The following CNBD2 variants were observed in gnomAD, a reference collection of about 807,000 sequenced individuals.
CNBD2 encodes the protein cyclic nucleotide-binding domain-containing protein 2.
In CNBD2, 64 loss-of-function variants were observed where a neutral mutation model predicts 63.7. The observed-to-expected ratio is 1.00, with a 90% confidence interval of 0.82 to 1.24. The LOEUF (loss-of-function observed/expected upper bound fraction) is 1.24, where lower values mean the gene tolerates loss of function less well. CNBD2 is among the 50% of genes most tolerant of loss of function. The pLI is 0.00. For synonymous variants in CNBD2, 229 were observed against 255.4 expected (o/e 0.90, Z 0.99); for missense variants, 691 against 713.5 (o/e 0.97, Z 0.36).
upstream of CNBD2, chr20:35,968,536 T>G: frequency 2.2e-6 from 1 of 454,380 alleles, no homozygotes; most frequent in Non-Finnish European, 4.1e-6. Flanking sequence ...CTGTGTCCCC[T>G]GCCTCCAGAA....
chr20:36,009,435 C>T (rs912742313), intron 9 of CNBD2, among the ~76,000 whole-genome samples: 2 of 151,844 alleles, frequency 1.3e-5, no homozygotes, highest in Non-Finnish European at 2.9e-5. Flanking sequence ...GTCTCCTGAC[C>T]TCGTGATCCG....
At chr20:36,003,955 T>C (rs2056949843) in intron 8 of CNBD2, among the ~76,000 whole-genome samples, 1 of 152,136 alleles carries the variant, frequency 6.6e-6, no homozygotes, top group Admixed American at 6.6e-5. Context: ...GGGAGGGACC[T>C]GCTTCCAGGC....
chr20:36,010,285 G>A (rs1323331181), intron 9 of CNBD2, among the ~76,000 whole-genome samples: 1 of 152,072 alleles, frequency 6.6e-6, no homozygotes, highest in Non-Finnish European at 1.5e-5. Context: ...CTTCACGTGA[G>A]TCCTTTGCCT....
downstream of CNBD2, among the ~76,000 whole-genome samples, chr20:35,957,019 TATC>T (rs2056263072): frequency 6.6e-6 from 1 of 152,180 alleles, no homozygotes; most frequent in South Asian, 2.1e-4. Context: ...ATTTAGTTAT[TATC>T]TTCTTGTGAA....
At chr20:35,980,103 A>G (rs2056575408) in intron 3 of CNBD2, among the ~76,000 whole-genome samples, 1 of 152,186 alleles carries the variant, frequency 6.6e-6, no homozygotes, top group South Asian at 2.1e-4. Flanking sequence ...TGCTATGTGT[A>G]TGTGCTGAGC....
downstream of CNBD2, chr20:35,958,887 T>C (rs2147165748): frequency 6.6e-6 from 1 of 152,348 alleles, no homozygotes; most frequent in East Asian, 1.9e-4. Context: ...GTATAATCAT[T>C]TGGGCTTGGC....
intron 11 of CNBD2, among the ~76,000 whole-genome samples, chr20:36,027,515 C>T (rs1312959572): frequency 2.6e-5 from 4 of 152,076 alleles, no homozygotes; most frequent in Non-Finnish European, 1.5e-5. Flanking sequence ...CACAGATTGA[C>T]GTTTTTAGTT....
chr20:35,980,741 G>A, intron 4 of CNBD2, 119 bp downstream of exon 4: 1 of 901,634 alleles, frequency 1.1e-6, no homozygotes, highest in South Asian at 1.7e-5. Context: ...CATGAATGAA[G>A]TCTTCTGTCC....
chr20:35,979,957 C>T (rs1394567923), intron 3 of CNBD2, among the ~76,000 whole-genome samples: 3 of 152,286 alleles, frequency 2.0e-5, no homozygotes, highest in Non-Finnish European at 4.4e-5. Context: ...GGTAGGTGAA[C>T]GTGCTGGTCC....
chr20:36,025,614 A>G (rs2057273805), intron 11 of CNBD2, among the ~76,000 whole-genome samples: 1 of 151,446 alleles, frequency 6.6e-6, no homozygotes, highest in South Asian at 2.1e-4. Context: ...ATAATTATTA[A>G]AAATAAATAT....
chr20:36,028,698 C>T (rs930689955), intron 11 of CNBD2, among the ~76,000 whole-genome samples: 2 of 75,830 alleles, frequency 2.6e-5, no homozygotes, highest in East Asian at 4.0e-4. Context: ...TTTTTTGGGA[C>T]GGAGTCTCAC....
upstream of CNBD2, among the ~76,000 whole-genome samples, chr20:35,965,471 C>G (rs766061530): frequency 6.6e-6 from 1 of 152,178 alleles, no homozygotes; most frequent in East Asian, 1.9e-4. Flanking sequence ...AGCCACCGCG[C>G]TTGGCCGAAT....
intron 3 of CNBD2, among the ~76,000 whole-genome samples, chr20:35,979,372 C>T (rs2056565155): frequency 6.6e-6 from 1 of 152,166 alleles, no homozygotes; most frequent in Non-Finnish European, 1.5e-5. Context: ...TACATTAATC[C>T]ATTCACTAAG....
intron 8 of CNBD2, among the ~76,000 whole-genome samples, chr20:35,996,502 C>CTTTTTTTT (rs1349894287): frequency 1.4e-5 from 2 of 146,508 alleles, no homozygotes; most frequent in Admixed American, 6.8e-5. Context: ...TAATAGCTCT[C>CTTTTTTTT]TTTTTGTTTT....
intron 11 of CNBD2, among the ~76,000 whole-genome samples, chr20:36,028,060 C>T (rs760306847): frequency 3.3e-5 from 5 of 152,120 alleles, no homozygotes; most frequent in Non-Finnish European, 7.4e-5. Flanking sequence ...AAAATACTGG[C>T]GGTTCCTTCT....
At chr20:36,021,624 G>C (rs930891178) in intron 10 of CNBD2, among the ~76,000 whole-genome samples, 1 of 152,092 alleles carries the variant, frequency 6.6e-6, no homozygotes, top group African/African-American at 2.4e-5. Context: ...GCTGGCATTG[G>C]TGGCTCTGGG....
Position 36,023,731 on chromosome 20 carries a change from A to G in CNBD2, c.1399A>G (p.Met467Val), listed in dbSNP as rs769928308. ...FYELIDNDDE[M>V]IKKLLKLNIA... ...TGAACTGATTGACAATGATGACGAGATGATAAAAAAGTTGTTAAAGCTCAA... is the reference window on the plus strand; with the variant it reads ...TGAACTGATTGACAATGATGACGAGGTGATAAAAAAGTTGTTAAAGCTCAA... Residue 467 changes from methionine (M) to valine (V), a missense_variant, in exon 11 of 12, where the codon ATG becomes GTG. Physicochemically the swap from Met to Val is conservative, Grantham distance 21 (BLOSUM62 1). Transcript: ENST00000373973. 1.9e-6 allele frequency: 3 copies of G among 1,613,590 alleles called. No homozygotes were observed. Among genetic ancestry groups the G allele is most frequent in the Non-Finnish European group, 2.5e-6 (3 of 1,179,812 alleles).
rs746314671 is a variant in CNBD2 at position 35,984,023 on chromosome 20, G to A, written c.449G>A (p.Gly150Asp). ...GTGATCATCAAGAAGGGGCAGAAGGGCAACAGCTTTTATTTCATCTACCTG... is the reference window on the plus strand; with the variant it reads ...GTGATCATCAAGAAGGGGCAGAAGGACAACAGCTTTTATTTCATCTACCTG... ...RRVIIKKGQK[G>D]NSFYFIYLGT... Residue 150 changes from glycine (G) to aspartate (D), a missense_variant, in exon 5 of 12, where the codon GGC (glycine) becomes GAC (aspartate). Transcript: ENST00000373973. The A allele has an allele frequency of 1.5e-5, 25 of 1,614,082 alleles. No homozygotes were observed. In the South Asian group the frequency reaches 2.7e-4, roughly 18 times the overall value.
intron 4 of CNBD2, among the ~76,000 whole-genome samples, chr20:35,982,476 C>A (rs1304617659): frequency 2.6e-5 from 4 of 152,074 alleles, no homozygotes; most frequent in Admixed American, 6.6e-5. Context: ...GTGCTTTGGG[C>A]CACCTCTGCA....
Sources: allele counts gnomAD v4.1 joint callset (sites outside exome capture counted in the v4.1 genomes callset), GRCh38; gene constraint gnomAD v4.1.1; transcripts MANE v1.5; gene names NCBI Gene and HGNC (gene_info 2026-07-23, HGNC 2026-07-21).